The following CWF19L2 variants were observed in gnomAD, a reference collection of about 807,000 sequenced individuals.
CWF19L2 encodes the protein CWF19-like protein 2.
Under a neutral mutation model 111.7 loss-of-function variants are expected in CWF19L2, and 98 were observed. That is an observed-to-expected ratio of 0.88 (90% CI 0.75 to 1.04). The LOEUF is 1.04. Ranked by LOEUF, CWF19L2 falls within the 50% of genes least tolerant of loss-of-function variation. The pLI, the probability that CWF19L2 is intolerant of heterozygous loss-of-function variation, is 0.00. For synonymous variants in CWF19L2, 351 were observed against 342.9 expected (o/e 1.02, Z -0.26); for missense variants, 1,101 against 1,051.4 (o/e 1.05, Z -0.65).
intron 12 of CWF19L2, among the ~76,000 whole-genome samples, chr11:107,371,890 C>CA (rs1161481975): frequency 1.5e-5 from 2 of 137,420 alleles, no homozygotes; most frequent in Non-Finnish European, 3.1e-5. Context: ...ATGGTCCCCC[C>CA]ACCTCCACGT....
chr11:107,453,755 G>C (rs762428342), intron 3 of CWF19L2, among the ~76,000 whole-genome samples: 1 of 151,920 alleles, frequency 6.6e-6, no homozygotes, highest in Non-Finnish European at 1.5e-5. Context: ...TTGGCTCTTG[G>C]ATAGCATTTC....
intron 12 of CWF19L2, among the ~76,000 whole-genome samples, chr11:107,362,101 T>C (rs1411636225): frequency 6.6e-6 from 1 of 151,936 alleles, no homozygotes; most frequent in Non-Finnish European, 1.5e-5. Flanking sequence ...CACCCAAATA[T>C]TGCGCTTTTC....
intron 12 of CWF19L2, among the ~76,000 whole-genome samples, chr11:107,378,420 TG>T (rs1860628595): frequency 6.6e-6 from 1 of 151,844 alleles, no homozygotes; most frequent in African/African-American, 2.4e-5. Context: ...ATATACACCA[TG>T]GAATACTATG....
chr11:107,424,400 A>G (rs1180387197), intron 8 of CWF19L2, among the ~76,000 whole-genome samples: 1 of 151,450 alleles, frequency 6.6e-6, no homozygotes, highest in Non-Finnish European at 1.5e-5. Context: ...CTACCATTCC[A>G]TAACTCTTAA....
At chr11:107,425,495 T>C (rs964465754) in intron 8 of CWF19L2, among the ~76,000 whole-genome samples, 15 of 151,916 alleles carry the variant, frequency 9.9e-5, no homozygotes, top group African/African-American at 3.6e-4. Flanking sequence ...CTGTACCATA[T>C]AGTGTAGGTA....
At position 107,433,658 on chromosome 11, in the gene CWF19L2, C is replaced by T; in HGVS notation, c.756G>A (p.Glu252=). ...EQAEKQSRNF[E]DIVAERYGSM... ...CCCCATATCTTTCGGCTACAATGTC[C>T]TCAAAGTTTCTACTTTGTTTCTCAG... Residue 252 remains glutamate (E), a synonymous_variant, in exon 7 of 18, where the codon GAG becomes GAA. Transcript: ENST00000282251. The T allele has an allele frequency of 6.4e-7, 1 of 1,573,424 alleles. No homozygotes were observed.
intron 4 of CWF19L2, 31 bp downstream of exon 4, chr11:107,442,908 G>C: frequency 1.5e-6 from 2 of 1,363,168 alleles, no homozygotes; most frequent in South Asian, 1.2e-5. Context: ...AAGGAAGAAA[G>C]CAAGGAAGGA....
chr11:107,381,970 C>T (rs1250228754), intron 12 of CWF19L2, among the ~76,000 whole-genome samples: 1 of 151,922 alleles, frequency 6.6e-6, no homozygotes, highest in African/African-American at 2.4e-5. Flanking sequence ...CCTCTTACAC[C>T]TTTCATTTTT....
intron 6 of CWF19L2, among the ~76,000 whole-genome samples, chr11:107,438,326 C>A (rs140050639): frequency 6.6e-6 from 1 of 152,068 alleles, no homozygotes; most frequent in South Asian, 2.1e-4. Flanking sequence ...AGTATGCTTA[C>A]GTGACATTTA....
At chr11:107,393,312 T>C (rs1399845372) in intron 10 of CWF19L2, among the ~76,000 whole-genome samples, 1 of 152,180 alleles carries the variant, frequency 6.6e-6, no homozygotes, top group Non-Finnish European at 1.5e-5. Context: ...AATATAATGA[T>C]ACTACCCGTA....
At chr11:107,330,653 CA>C (rs1859835546) in intron 16 of CWF19L2, among the ~76,000 whole-genome samples, 1 of 52,720 alleles carries the variant, frequency 1.9e-5, no homozygotes. Flanking sequence ...ACCACACACA[CA>C]CACACACACA....
At chr11:107,371,948 ATAT>A (rs1234629201) in intron 12 of CWF19L2, among the ~76,000 whole-genome samples, 1 of 137,638 alleles carries the variant, frequency 7.3e-6, no homozygotes, top group Non-Finnish European at 1.6e-5. Context: ...TGTTTTTTAA[ATAT>A]TATTGTTGCA....
chr11:107,413,024 C>T (rs907280216), intron 10 of CWF19L2, among the ~76,000 whole-genome samples: 1 of 152,130 alleles, frequency 6.6e-6, no homozygotes, highest in East Asian at 1.9e-4. Flanking sequence ...AGTGAAAATA[C>T]TCTGTATGAT....
In CWF19L2 at chr11:107,403,868, T is replaced by A. The variant is rs538715277; in HGVS notation, c.1618-10973A>T. 6 of 795,496 alleles carry A rather than the reference T, an allele frequency of 7.5e-6. No individual in the cohort carries two copies. The East Asian group carries it at 1.5e-4, about 19-fold the overall frequency. The allele number at this position is 795,496 out of a possible 1,614,324, so 49.3% of individuals were successfully genotyped here. On this transcript the variant is annotated intron_variant, in intron 10 of 17. Coordinates refer to ENST00000282251, the MANE Select transcript of CWF19L2 (RefSeq NM_152434.3). ...ATCTGTGCTTTCTAGGAATTTCCTCTTCTCCTCCTGTATTTGAAGAAGTTC... is the reference window on the plus strand; with the variant it reads ...ATCTGTGCTTTCTAGGAATTTCCTCATCTCCTCCTGTATTTGAAGAAGTTC...
chr11:107,400,100 G>A (rs191035613), intron 10 of CWF19L2, among the ~76,000 whole-genome samples: 15 of 151,988 alleles, frequency 9.9e-5, no homozygotes, highest in East Asian at 1.9e-4. Context: ...AGCCCTAAAC[G>A]CCTATATCAA....
At chr11:107,397,665 C>T (rs1390669690) in intron 10 of CWF19L2, among the ~76,000 whole-genome samples, 1 of 152,230 alleles carries the variant, frequency 6.6e-6, no homozygotes, top group East Asian at 1.9e-4. Flanking sequence ...CACCCTACTA[C>T]AGCTGATGCT....
At chr11:107,348,860 C>T in intron 14 of CWF19L2, 77 bp downstream of exon 14, 1 of 723,394 alleles carries the variant, frequency 1.4e-6, no homozygotes, top group South Asian at 1.9e-5. Flanking sequence ...GAAGTTATAC[C>T]TATTGGAATT....
intron 14 of CWF19L2, among the ~76,000 whole-genome samples, chr11:107,347,752 A>C (rs1040877132): frequency 6.6e-6 from 1 of 152,172 alleles, no homozygotes; most frequent in South Asian, 2.1e-4. Flanking sequence ...TGTGTACTCA[A>C]TATCTGTTAA....
Position 107,348,979 on chromosome 11 carries a change from T to A in CWF19L2, c.2160A>T (p.Arg720Ser), listed in dbSNP as rs1362036065. The change falls in exon 14 of 18, where the codon AGA becomes AGT. Residue 720 changes from arginine to serine, a missense_variant. Physicochemically the swap from Arg to Ser is moderately radical, Grantham distance 110. Transcript: ENST00000282251. Reference sequence around the variant, plus strand: ...TGTCTTCATCCAACAAAGTAGCTGCTCTATGGTGCTGCAAAGGGACTATCA... The same window carrying A: ...TGTCTTCATCCAACAAAGTAGCTGCACTATGGTGCTGCAAAGGGACTATCA... ...HCLIVPLQHHRAATLLDEDIW... is the reference protein window; with the variant it reads ...HCLIVPLQHHSAATLLDEDIW... 6.2e-7 allele frequency: 1 copy of A among 1,610,946 alleles called. No individual in the cohort carries two copies. Among genetic ancestry groups the A allele is most frequent in the Admixed American group, 1.7e-5 (1 of 59,744 alleles).
Sources: gnomAD v4.1 joint callset for allele counts (sites outside exome capture counted in the v4.1 genomes callset) on GRCh38, gnomAD v4.1.1 for gene constraint, MANE v1.5 for transcripts, NCBI Gene and HGNC (gene_info 2026-07-23, HGNC 2026-07-21) for gene names.